The following GRID2 variants were observed in gnomAD, a reference collection of about 807,000 sequenced individuals.
The protein encoded by GRID2 is glutamate ionotropic receptor delta type subunit 2, also known as glutamate receptor ionotropic, delta-2.
A neutral mutation model predicts 114.8 loss-of-function variants in GRID2; 33 were observed. The observed-to-expected ratio is 0.29, with a 90% CI of 0.22 to 0.38. The LOEUF is 0.38. Among genes scored for constraint, GRID2 ranks in the 10% least tolerant of loss-of-function variants. GRID2 has a pLI of 1.00. For synonymous variants in GRID2, 505 were observed against 449.9 expected, an observed-to-expected ratio of 1.12 and a Z score of -1.55; for missense variants, 1,184 against 1,257.7, an observed-to-expected ratio of 0.94 and a Z score of 0.89.
chr4:93,127,651 T>A (rs1017446672), intron 4 of GRID2, among the ~76,000 whole-genome samples: 1 of 152,026 alleles, frequency 6.6e-6, no homozygotes, highest in Non-Finnish European at 1.5e-5. Context: ...GTTGTAAAAG[T>A]AGTTTCAGGT....
At chr4:92,983,145 G>T (rs530972755) in intron 2 of GRID2, among the ~76,000 whole-genome samples, 2 of 152,192 alleles carry the variant, frequency 1.3e-5, no homozygotes, top group South Asian at 2.1e-4. Context: ...TAAATAAAGT[G>T]ATTTGGCACA....
intron 1 of GRID2, among the ~76,000 whole-genome samples, chr4:92,341,611 G>T (rs1247148508): frequency 7.2e-5 from 11 of 152,048 alleles, no homozygotes; most frequent in Non-Finnish European, 4.4e-5. Context: ...GGATAAATGA[G>T]TATTTGGGGT....
At chr4:92,627,599 T>A (rs1730587038) in intron 2 of GRID2, among the ~76,000 whole-genome samples, 1 of 152,118 alleles carries the variant, frequency 6.6e-6, no homozygotes, top group Admixed American at 6.6e-5. Context: ...TTTGTGCAAT[T>A]TAATAATAAT....
At chr4:92,745,039 T>A (rs1737079230) in intron 2 of GRID2, among the ~76,000 whole-genome samples, 1 of 152,162 alleles carries the variant, frequency 6.6e-6, no homozygotes, top group African/African-American at 2.4e-5. Flanking sequence ...TAGCACTCAG[T>A]CCTCTTGTTC....
At chr4:92,410,723 GA>G (rs1446441985) in intron 1 of GRID2, among the ~76,000 whole-genome samples, 1 of 151,702 alleles carries the variant, frequency 6.6e-6, no homozygotes, top group Non-Finnish European at 1.5e-5. Context: ...TCCTTTATCT[GA>G]AACTCTTGGG....
chr4:93,177,413 T>C (rs1399288471), intron 4 of GRID2, among the ~76,000 whole-genome samples: 1 of 152,146 alleles, frequency 6.6e-6, no homozygotes, highest in Non-Finnish European at 1.5e-5. Context: ...AAACATTCTA[T>C]CATTATCCTC....
At chr4:93,591,212 T>C (rs933891012) in intron 13 of GRID2, among the ~76,000 whole-genome samples, 2 of 151,320 alleles carry the variant, frequency 1.3e-5, no homozygotes, top group African/African-American at 4.9e-5. Flanking sequence ...TAGCTCTTAT[T>C]ATTTTGAAAT....
chr4:92,488,485 G>A (rs769986812), intron 1 of GRID2, among the ~76,000 whole-genome samples: 1 of 152,088 alleles, frequency 6.6e-6, no homozygotes, highest in Non-Finnish European at 1.5e-5. Flanking sequence ...ACTGCTGAGG[G>A]ATCATTGGGA....
At chr4:92,541,609 TTGGTATGCC>T (rs1451994027) in intron 1 of GRID2, among the ~76,000 whole-genome samples, 7 of 152,100 alleles carry the variant, frequency 4.6e-5, no homozygotes, top group African/African-American at 1.4e-4. Context: ...GATACATGAT[TTGGTATGCC>T]TAAATATTTT....
intron 2 of GRID2, among the ~76,000 whole-genome samples, chr4:92,707,928 G>A (rs981370961): frequency 1.3e-5 from 2 of 152,052 alleles, no homozygotes; most frequent in African/African-American, 2.4e-5. Context: ...AAAAACCAAC[G>A]AACAAACTTA....
intron 5 of GRID2, among the ~76,000 whole-genome samples, chr4:93,209,819 T>C (rs936737212): frequency 5.9e-5 from 9 of 152,212 alleles, no homozygotes; most frequent in Non-Finnish European, 1.3e-4. Flanking sequence ...TGGTATCTCA[T>C]AGTGGTTTTG....
chr4:93,577,383 A>C (rs565314208), intron 13 of GRID2, among the ~76,000 whole-genome samples: 2 of 152,240 alleles, frequency 1.3e-5, no homozygotes, highest in African/African-American at 4.8e-5. Context: ...GGACCCTTCT[A>C]ATTCAAAAAT....
At chr4:92,958,028 G>C (rs1416530568) in intron 2 of GRID2, among the ~76,000 whole-genome samples, 1 of 151,986 alleles carries the variant, frequency 6.6e-6, no homozygotes, top group Non-Finnish European at 1.5e-5. Flanking sequence ...ATAATCACTT[G>C]TTAGTTTCAG....
chr4:92,337,141 T>G (rs2110155034), intron 1 of GRID2, among the ~76,000 whole-genome samples: 1 of 152,144 alleles, frequency 6.6e-6, no homozygotes, highest in African/African-American at 2.4e-5. Flanking sequence ...AGCATAGACT[T>G]TGCTCGTAAG....
intron 13 of GRID2, among the ~76,000 whole-genome samples, chr4:93,534,586 A>G (rs1167682003): frequency 6.6e-6 from 1 of 152,154 alleles, no homozygotes; most frequent in Non-Finnish European, 1.5e-5. Context: ...AAAAGATAGA[A>G]GATTCTCAAT....
intron 2 of GRID2, among the ~76,000 whole-genome samples, chr4:93,015,364 C>T (rs1722578455): frequency 6.6e-6 from 1 of 152,148 alleles, no homozygotes; most frequent in Non-Finnish European, 1.5e-5. Context: ...ATGAAGAGCA[C>T]AGATGCTGGA....
chr4:92,788,934 A>G (rs1351063892), intron 2 of GRID2, among the ~76,000 whole-genome samples: 2 of 151,836 alleles, frequency 1.3e-5, no homozygotes, highest in Non-Finnish European at 2.9e-5. Flanking sequence ...GATGAGGAAC[A>G]GAATTCTTCT....
intron 2 of GRID2, among the ~76,000 whole-genome samples, chr4:93,053,800 T>C (rs982264286): frequency 6.6e-6 from 1 of 151,916 alleles, no homozygotes; most frequent in African/African-American, 2.4e-5. Context: ...GACTGGATAA[T>C]ACTGGGAAAG....
intron 4 of GRID2, among the ~76,000 whole-genome samples, chr4:93,133,605 A>G (rs551896323): frequency 1.3e-5 from 2 of 152,218 alleles, no homozygotes; most frequent in Non-Finnish European, 2.9e-5. Context: ...CACTATTGCC[A>G]TGAATTAAGA....
Sources: allele counts gnomAD v4.1 joint callset (sites outside exome capture counted in the v4.1 genomes callset), GRCh38; gene constraint gnomAD v4.1.1; transcripts MANE v1.5; gene names NCBI Gene and HGNC (gene_info 2026-07-23, HGNC 2026-07-21).